The following ROCK1 variants were observed in gnomAD, a reference collection of about 807,000 sequenced individuals.
ROCK1 encodes the protein Rho associated coiled-coil containing protein kinase 1, also known as rho-associated protein kinase 1.
Under a neutral mutation model 196.8 loss-of-function variants are expected in ROCK1, and 36 were observed. The observed-to-expected ratio is 0.18, with a 90% CI of 0.14 to 0.24. The LOEUF is 0.24. Ranked by LOEUF, ROCK1 falls within the 10% of genes least tolerant of loss-of-function variation. The probability of loss-of-function intolerance (pLI) is 1.00; values close to 1 mark genes in which losing one functional copy is unlikely to be tolerated. For synonymous variants in ROCK1, 443 were observed against 515.9 expected (o/e 0.86, Z 1.91); for missense variants, 920 against 1,562.0 (o/e 0.59, Z 6.93).
chr18:20,968,069 T>C (rs2035390703), intron 25 of ROCK1, 129 bp from the exon 26 acceptor site: 2 of 848,334 alleles, frequency 2.4e-6, no homozygotes, highest in East Asian at 2.8e-5. Context: ...TTCATGATGG[T>C]TGAGACATGA....
chr18:21,052,418 T>A (rs781482392), intron 2 of ROCK1, among the ~76,000 whole-genome samples: 1 of 152,190 alleles, frequency 6.6e-6, no homozygotes, highest in Non-Finnish European at 1.5e-5. Context: ...TATTGTAAAG[T>A]AGTCATGTAA....
chr18:21,104,406 G>C (rs1434594503), intron 1 of ROCK1, among the ~76,000 whole-genome samples: 1 of 152,050 alleles, frequency 6.6e-6, no homozygotes, highest in Non-Finnish European at 1.5e-5. Flanking sequence ...GACCATCCTG[G>C]CTAACACGGT....
intron 31 of ROCK1, among the ~76,000 whole-genome samples, chr18:20,954,573 A>G (rs1349340916): frequency 6.6e-6 from 1 of 152,300 alleles, no homozygotes; most frequent in African/African-American, 2.4e-5. Flanking sequence ...GTGAGAATCC[A>G]TCTCAATCAA....
At chr18:20,996,428 C>A (rs2035671093) in intron 16 of ROCK1, among the ~76,000 whole-genome samples, 1 of 151,902 alleles carries the variant, frequency 6.6e-6, no homozygotes, top group Admixed American at 6.6e-5. Flanking sequence ...TAGAAAATAG[C>A]CTCAAAAGAG....
intron 26 of ROCK1, 147 bp from the exon 27 acceptor site, chr18:20,967,223 A>G (rs747151026): frequency 2.7e-5 from 15 of 557,448 alleles, no homozygotes; most frequent in Non-Finnish European, 4.7e-5. Context: ...GATACACTAC[A>G]GAAATGTCAA....
chr18:21,020,309 A>G, intron 11 of ROCK1, 70 bp from the exon 12 acceptor site: 1 of 749,884 alleles, frequency 1.3e-6, no homozygotes, highest in Non-Finnish European at 2.0e-6. Context: ...TATCAAGTCT[A>G]TGTTAATATT....
At chr18:21,055,439 C>T (rs1348315096) in intron 2 of ROCK1, among the ~76,000 whole-genome samples, 2 of 152,080 alleles carry the variant, frequency 1.3e-5, no homozygotes, top group African/African-American at 2.4e-5. Context: ...CTGAAACGAA[C>T]GAAACAATCA....
intron 6 of ROCK1, among the ~76,000 whole-genome samples, chr18:21,043,311 T>C (rs1268678203): frequency 6.6e-6 from 1 of 151,986 alleles, no homozygotes; most frequent in Admixed American, 6.6e-5. Flanking sequence ...TGAATGTCTA[T>C]TTGATGTGAA....
chr18:21,063,306 C>G (rs561362043), intron 2 of ROCK1, among the ~76,000 whole-genome samples: 2 of 152,166 alleles, frequency 1.3e-5, no homozygotes, highest in South Asian at 4.1e-4. Context: ...TAAATATAAC[C>G]TGTGATAAGT....
At chr18:20,976,230 T>A (rs915367196) in intron 22 of ROCK1, among the ~76,000 whole-genome samples, 1 of 152,208 alleles carries the variant, frequency 6.6e-6, no homozygotes, top group African/African-American at 2.4e-5. Flanking sequence ...AAGGTCAATC[T>A]CTCACCCTTA....
At chr18:21,049,924 T>C in intron 2 of ROCK1, 44 bp from the exon 3 acceptor site, 2 of 1,025,598 alleles carry the variant, frequency 2.0e-6, no homozygotes, top group South Asian at 2.9e-5. Context: ...ACTAAAGCAT[T>C]ACAACTAGCA....
chr18:21,020,098 A>G (rs2035901708), intron 12 of ROCK1, 53 bp downstream of exon 12: 1 of 1,051,484 alleles, frequency 9.5e-7, no homozygotes, highest in Admixed American at 2.0e-5. Flanking sequence ...GCTTTCAAGT[A>G]AGTATTTGGT....
chr18:20,955,098 T>C (rs2035229344), intron 30 of ROCK1, 54 bp from the exon 31 acceptor site: 3 of 1,526,538 alleles, frequency 2.0e-6, no homozygotes, highest in Non-Finnish European at 1.8e-6. Flanking sequence ...AGCATTGGTA[T>C]ATTTTACATT....
intron 9 of ROCK1, among the ~76,000 whole-genome samples, chr18:21,031,095 T>C (rs1454937115): frequency 6.6e-6 from 1 of 152,124 alleles, no homozygotes; most frequent in Middle Eastern, 3.2e-3. Flanking sequence ...GAAAAGTCAC[T>C]AAATGAATGA....
chr18:21,006,169 T>C (rs967140014), intron 16 of ROCK1, among the ~76,000 whole-genome samples, 182 bp downstream of exon 16: 11 of 152,264 alleles, frequency 7.2e-5, no homozygotes, highest in African/African-American at 2.4e-4. Context: ...TTGAAGACAT[T>C]GTGCTAAGTG....
intron 4 of ROCK1, among the ~76,000 whole-genome samples, chr18:21,046,225 T>C (rs1275366608): frequency 1.3e-5 from 2 of 152,072 alleles, no homozygotes; most frequent in African/African-American, 2.4e-5. Flanking sequence ...TGTTTCTTAT[T>C]AGCTGTGTGA....
At chr18:21,078,798 T>G (rs1359168109) in intron 1 of ROCK1, among the ~76,000 whole-genome samples, 1 of 152,186 alleles carries the variant, frequency 6.6e-6, no homozygotes, top group Admixed American at 6.5e-5. Context: ...GCCTCTGTTT[T>G]TCTCTTGTAC....
intron 1 of ROCK1, among the ~76,000 whole-genome samples, chr18:21,098,634 G>T (rs1396068439): frequency 4.0e-5 from 1 of 24,758 alleles, no homozygotes; most frequent in East Asian, 2.1e-3. Context: ...ATGAAAAATT[G>T]CAAAAAAAAA....
chr18:21,013,049 T>C lies in ROCK1; in HGVS notation c.1410+2382A>G, dbSNP rs2035832337. Among the ~76,000 whole-genome samples, 3 of 152,360 alleles carry C rather than the reference T, an allele frequency of 2.0e-5. No individual in the cohort carries two copies. The South Asian group carries it at 6.2e-4, about 32-fold the overall frequency. ...ACAGTTGCTCACTGAAACATATTTA[T>C]GGTGATTCCTTTAAATACTTGTCAG... On this transcript the variant is annotated intron_variant, in intron 13 of 32. Transcript: ENST00000399799.
Sources: gnomAD v4.1 joint callset for allele counts (sites outside exome capture counted in the v4.1 genomes callset) on GRCh38, gnomAD v4.1.1 for gene constraint, MANE v1.5 for transcripts, NCBI Gene and HGNC (gene_info 2026-07-23, HGNC 2026-07-21) for gene names.